The following RICTOR variants were observed in gnomAD, a reference collection of about 807,000 sequenced individuals.
RICTOR encodes rapamycin-insensitive companion of mTOR.
Under a neutral mutation model 214.9 loss-of-function variants are expected in RICTOR, and 49 were observed. The observed-to-expected ratio is 0.23, with a 90% confidence interval of 0.18 to 0.29. The LOEUF (loss-of-function observed/expected upper bound fraction) is 0.29. Among genes scored for constraint, RICTOR ranks in the 10% least tolerant of loss-of-function variants. The pLI, the probability that RICTOR is intolerant of heterozygous loss-of-function variation, is 1.00. For missense variants in RICTOR, 1,625 were observed against 2,047.0 expected (o/e 0.79, Z 3.98); for synonymous variants, 717 against 711.3 (o/e 1.01, Z -0.13).
chr5:38,946,758 AATT>A (rs963987276), intron 32 of RICTOR, among the ~76,000 whole-genome samples: 4 of 152,190 alleles, frequency 2.6e-5, no homozygotes, highest in African/African-American at 9.6e-5. Context: ...AATGGACATT[AATT>A]ATTTTAGCGT....
rs1279805073 is a variant in RICTOR at position 39,028,664 on chromosome 5, A to G, written c.98-7528T>C. Among the ~76,000 whole-genome samples, 3 of 152,346 alleles carry G rather than the reference A, an allele frequency of 2.0e-5. No individual in the cohort carries two copies. The East Asian group carries it at 5.8e-4, about 29-fold the overall frequency. Reference sequence around the variant, plus strand: ...CTTATTCATAACAGCCCCAAAGTGGAAACAACCCAAATGTCCATCAACAGA... The same window carrying G: ...CTTATTCATAACAGCCCCAAAGTGGGAACAACCCAAATGTCCATCAACAGA... On this transcript the variant is annotated intron_variant, in intron 2 of 37. Transcript: ENST00000357387.
intron 3 of RICTOR, among the ~76,000 whole-genome samples, chr5:39,018,242 G>A (rs1460989774): frequency 1.3e-5 from 2 of 152,022 alleles, no homozygotes; most frequent in African/African-American, 4.8e-5. Flanking sequence ...TTGGGACCAG[G>A]GCCCCCACAA....
chr5:38,999,550 C>A (rs902591449), intron 5 of RICTOR, among the ~76,000 whole-genome samples: 32 of 151,658 alleles, frequency 2.1e-4, no homozygotes, highest in African/African-American at 7.8e-4. Flanking sequence ...AGGACAACTA[C>A]TAAAAAGAAG....
intron 24 of RICTOR, 28 bp downstream of exon 24, chr5:38,958,415 C>T (rs1276768381): frequency 1.4e-6 from 2 of 1,464,378 alleles, no homozygotes; most frequent in Non-Finnish European, 1.9e-6. Context: ...AACAAAAAAA[C>T]ATAACAGAAA....
intron 7 of RICTOR, among the ~76,000 whole-genome samples, chr5:38,989,506 AT>A (rs1752428784): frequency 2.6e-5 from 4 of 152,340 alleles, no homozygotes; most frequent in Admixed American, 2.6e-4. Flanking sequence ...GACAAATGGG[AT>A]CTAATTAAAC....
chr5:38,965,893 C>A (rs772824255), intron 15 of RICTOR, among the ~76,000 whole-genome samples: 1 of 151,966 alleles, frequency 6.6e-6, no homozygotes, highest in Non-Finnish European at 1.5e-5. Flanking sequence ...AAAAGATTTG[C>A]CATAGAATCA....
intron 2 of RICTOR, among the ~76,000 whole-genome samples, chr5:39,056,495 G>C (rs1758215518): frequency 6.6e-6 from 1 of 152,052 alleles, no homozygotes; most frequent in Non-Finnish European, 1.5e-5. Context: ...AATTAGCCAG[G>C]CTTGGTGGCG....
rs1220706288 is a variant in RICTOR, at chr5:38,952,395, A to G, written c.2928T>C (p.Ala976=). Residue 976 remains alanine, a synonymous_variant, in exon 30 of 38, where the codon GCT becomes GCC. Transcript: ENST00000357387. ...GAATATCACAGCCTTGTTTGGTTTTAGCTATGAGCCCAAGTACATATACAC... is the reference window on the plus strand; with the variant it reads ...GAATATCACAGCCTTGTTTGGTTTTGGCTATGAGCCCAAGTACATATACAC... ...GTCVYVLGLI[A]KTKQGCDILK... 6.2e-7 allele frequency: 1 copy of G among 1,612,428 alleles called. No homozygotes were observed. Among genetic ancestry groups the G allele is most frequent in the East Asian group, 2.2e-5 (1 of 44,846 alleles).
At chr5:38,969,339 A>G (rs1750534069) in intron 11 of RICTOR, among the ~76,000 whole-genome samples, 1 of 152,098 alleles carries the variant, frequency 6.6e-6, no homozygotes, top group Non-Finnish European at 1.5e-5. Flanking sequence ...ATCTTATAGA[A>G]TAAGGATATA....
At chr5:38,962,657 T>A (rs951212595) in intron 17 of RICTOR, 71 bp from the exon 18 acceptor site, 1 of 947,520 alleles carries the variant, frequency 1.1e-6, no homozygotes, top group African/African-American at 1.7e-5. Flanking sequence ...AAGTTCAAAT[T>A]TGAAAAAATG....
In RICTOR at chr5:38,959,917, G is replaced by C; in HGVS notation, c.1913C>G (p.Ser638Cys). ...AAGACTTCTTTCGGGTTTCATTCCA[G>C]ATGAAGCATTGAGCCACTGAACAAT... is the stretch of plus-strand genomic sequence containing the variant. ...KDIVQWLNAS[S>C]GMKPERSLQN... The change falls in exon 21 of 38, where the codon TCT becomes TGT. Residue 638 changes from serine (S) to cysteine (C), a missense_variant. This residue lies in a region of RICTOR where 1,214 missense variants were observed against 1,470.5 expected (regional missense o/e 0.83). Transcript: ENST00000357387. 6.2e-7 allele frequency: 1 copy of C among 1,613,174 alleles called. No individual in the cohort carries two copies. Among genetic ancestry groups the C allele is most frequent in the Non-Finnish European group, 8.5e-7 (1 of 1,179,322 alleles).
intron 15 of RICTOR, among the ~76,000 whole-genome samples, chr5:38,965,282 T>A (rs1750126362): frequency 6.6e-6 from 1 of 152,024 alleles, no homozygotes; most frequent in Non-Finnish European, 1.5e-5. Context: ...TCCAAATTTA[T>A]GAGTTGACTT....
At chr5:38,958,889 T>C in intron 22 of RICTOR, 58 bp from the exon 23 acceptor site, 1 of 1,221,504 alleles carries the variant, frequency 8.2e-7, no homozygotes, top group Non-Finnish European at 1.1e-6. Context: ...AATAGCCTAT[T>C]TGATTTTATT....
chr5:38,947,923 A>C (rs1444478078), intron 31 of RICTOR, among the ~76,000 whole-genome samples: 1 of 152,152 alleles, frequency 6.6e-6, no homozygotes, highest in Admixed American at 6.6e-5. Context: ...TTCATTATCA[A>C]CATAAGATTT....
chr5:38,981,539 C>T (rs1751715327), intron 8 of RICTOR: 1 of 186,700 alleles, frequency 5.4e-6, no homozygotes, highest in East Asian at 1.4e-4. Flanking sequence ...TATTCACACA[C>T]AATGTACTAA....
intron 3 of RICTOR, among the ~76,000 whole-genome samples, chr5:39,010,620 G>A (rs578117504): frequency 2.5e-4 from 38 of 152,278 alleles, no homozygotes; most frequent in Non-Finnish European, 4.6e-4. Context: ...AGGCTAAGAT[G>A]GTCTGAGATG....
At chr5:39,015,537 TG>T (rs1348456705) in intron 3 of RICTOR, among the ~76,000 whole-genome samples, 1 of 151,682 alleles carries the variant, frequency 6.6e-6, no homozygotes, top group Non-Finnish European at 1.5e-5. Context: ...TGGTTTGGGG[TG>T]GGGGTGCTAC....
chr5:38,978,441 G>A, intron 9 of RICTOR, 142 bp downstream of exon 9: 2 of 403,578 alleles, frequency 5.0e-6, no homozygotes, highest in Non-Finnish European at 4.4e-6. Context: ...TAAATTATGA[G>A]AGAAATGCAA....
intron 2 of RICTOR, among the ~76,000 whole-genome samples, chr5:39,029,897 T>C (rs1756137778): frequency 6.6e-6 from 1 of 152,206 alleles, no homozygotes; most frequent in Admixed American, 6.5e-5. Context: ...AGAGTAATCA[T>C]GTGAAATTTA....
Sources: gnomAD v4.1 joint callset for allele counts (sites outside exome capture counted in the v4.1 genomes callset) on GRCh38, gnomAD v4.1.1 for gene constraint, gnomAD v4.1.1 regional missense constraint, MANE v1.5 for transcripts, NCBI Gene and HGNC (gene_info 2026-07-23, HGNC 2026-07-21) for gene names.